COL6A5: variants seen among roughly 807,000 people sequenced by gnomAD.
COL6A5 encodes the protein collagen alpha-5(VI) chain.
Under a neutral mutation model 65.6 loss-of-function variants are expected in COL6A5, and 48 were observed. The ratio of observed to expected loss-of-function variants is 0.73; its 90% confidence interval spans 0.58 to 0.93. The LOEUF (loss-of-function observed/expected upper bound fraction) is 0.93, where lower values mean the gene tolerates loss of function less well. COL6A5 is among the 40% of genes least tolerant of loss of function. The pLI, the probability that COL6A5 is intolerant of heterozygous loss-of-function variation, is 0.00. For missense variants in COL6A5, 914 were observed against 928.3 expected, an observed-to-expected ratio of 0.98 and a Z score of 0.20; for synonymous variants, 291 against 322.8, an observed-to-expected ratio of 0.90 and a Z score of 1.05.
rs898588262 is a variant in COL6A5, at chr3:130,415,715, A to T, written c.4824+8A>T. ...GGGCAGAAAGGACCTCAGGTGAGTGACTCGGAGACATTAGGCTCAATGACT... is the reference window on the plus strand; with the variant it reads ...GGGCAGAAAGGACCTCAGGTGAGTGTCTCGGAGACATTAGGCTCAATGACT... On this transcript the variant is annotated splice_region_variant and intron_variant and NMD_transcript_variant, in intron 23 of 41. Transcript: ENST00000312481. 1.9e-6 allele frequency: 3 copies of T among 1,544,672 alleles called. No homozygotes were observed. The African/African-American group carries it at 4.1e-5, about 21-fold the overall frequency.
chr3:130,410,529 G>C lies in COL6A5; in HGVS notation c.4662+5G>C. On this transcript the variant is annotated splice_donor_5th_base_variant and intron_variant and NMD_transcript_variant, in intron 20 of 41. Transcript: ENST00000312481. ...CCTAGTTCCAGAGGCAGCAGGGTAA[G>C]TATTTCTGTGGACATTTATTTCCCC... 1 of 1,549,540 alleles carries C rather than the reference G, an allele frequency of 6.5e-7. No individual in the cohort carries two copies. The highest frequency in any genetic ancestry group is 2.4e-5 in the East Asian group (1 of 40,888).
At chr3:130,468,611 A>G (rs1709872189) in intron 5 of COL6A5, among the ~76,000 whole-genome samples, 184 bp from the exon 38 acceptor site, 1 of 152,054 alleles carries the variant, frequency 6.6e-6, no homozygotes, top group South Asian at 2.1e-4. Flanking sequence ...ATGGCTCTGC[A>G]TGCGCTATGT....
At chr3:130,388,458 C>T in intron 5 of COL6A5, 122 bp from the exon 6 acceptor site, 1 of 828,868 alleles carries the variant, frequency 1.2e-6, no homozygotes, top group Non-Finnish European at 1.8e-6. Flanking sequence ...TCAAACATAA[C>T]AACAGTTGCC....
At chr3:130,477,767 T>A (rs1334905446) in intron 7 of COL6A5, among the ~76,000 whole-genome samples, 3 of 152,098 alleles carry the variant, frequency 2.0e-5, no homozygotes, top group Admixed American at 1.3e-4. Context: ...ACTTCTTTAA[T>A]AGGGGTCCTT....
chr3:130,425,429 A>C (rs1408357378), intron 29 of COL6A5, among the ~76,000 whole-genome samples: 4 of 152,134 alleles, frequency 2.6e-5, no homozygotes, highest in Admixed American at 6.6e-5. Flanking sequence ...TTTTTTTTGA[A>C]GTGAGCATAC....
chr3:130,403,449 G>T (rs1344306459), intron 12 of COL6A5, among the ~76,000 whole-genome samples, 160 bp from the exon 13 acceptor site: 1 of 152,176 alleles, frequency 6.6e-6, no homozygotes, highest in Non-Finnish European at 1.5e-5. Flanking sequence ...ACAAAAGCTA[G>T]CTCCAGATGT....
intron 5 of COL6A5, among the ~76,000 whole-genome samples, chr3:130,460,825 A>G (rs1709686485): frequency 6.6e-6 from 1 of 150,792 alleles, no homozygotes; most frequent in South Asian, 2.1e-4. Flanking sequence ...TGGTAGTGAT[A>G]ATGGTGATAG....
At chr3:130,362,671 T>C (rs1935186159) in intron 1 of COL6A5, among the ~76,000 whole-genome samples, 1 of 152,172 alleles carries the variant, frequency 6.6e-6, no homozygotes, top group Admixed American at 6.5e-5. Flanking sequence ...CAAAATAACT[T>C]GCTGACATTG....
chr3:130,426,615 A>G (rs577356118), upstream of COL6A5, among the ~76,000 whole-genome samples: 1 of 152,288 alleles, frequency 6.6e-6, no homozygotes, highest in East Asian at 1.9e-4. Context: ...ATGAGGGGCA[A>G]TGCAGACATC....
chr3:130,376,435 G>T lies in COL6A5; in HGVS notation c.266G>T (p.Gly89Val), dbSNP rs758837638. The T allele has an allele frequency of 9.9e-6, 16 of 1,612,614 alleles. No homozygotes were observed. The highest frequency in any genetic ancestry group is 8.4e-5 in the Admixed American group (5 of 59,824). Residue 89 changes from glycine to valine, a missense_variant and NMD_transcript_variant, in exon 3 of 42, where the codon GGC becomes GTC. Coordinates refer to the COL6A5 transcript ENST00000312481. ...GAATTCCATCTGAGCACCTTCAAAG[G>T]CAGAAGCCCCATGCTGAACCACCTC... is the stretch of plus-strand genomic sequence containing the variant.
intron 7 of COL6A5, among the ~76,000 whole-genome samples, chr3:130,481,267 G>C (rs1710234138): frequency 1.4e-5 from 2 of 144,344 alleles, no homozygotes; most frequent in African/African-American, 2.6e-5. Flanking sequence ...TCATTGTTCA[G>C]CTCCAACTTA....
At chr3:130,434,412 T>C (rs148200926) in intron 1 of COL6A5, among the ~76,000 whole-genome samples, 166 of 152,374 alleles carry the variant, frequency 1.1e-3, no homozygotes, top group African/African-American at 3.6e-3. Context: ...TGCATGACTC[T>C]TTCTAGTTAA....
chr3:130,439,140 G>A (rs1025091879), intron 1 of COL6A5, among the ~76,000 whole-genome samples: 4 of 152,140 alleles, frequency 2.6e-5, no homozygotes, highest in Non-Finnish European at 5.9e-5. Context: ...GGCATGTGGT[G>A]TATAATCAGC....
At chr3:130,467,447 G>A (rs1709843528) in intron 5 of COL6A5, among the ~76,000 whole-genome samples, 1 of 151,808 alleles carries the variant, frequency 6.6e-6, no homozygotes, top group Admixed American at 6.6e-5. Flanking sequence ...CTCATTTTTT[G>A]AGGCCAGATT....
At chr3:130,357,087 T>A (rs927910829) in intron 1 of COL6A5, among the ~76,000 whole-genome samples, 2 of 152,188 alleles carry the variant, frequency 1.3e-5, no homozygotes, top group Non-Finnish European at 2.9e-5. Context: ...AATTTACTAG[T>A]TACCATAATC....
intron 2 of COL6A5, among the ~76,000 whole-genome samples, chr3:130,375,841 C>T (rs1311460076): frequency 1.3e-5 from 2 of 152,050 alleles, no homozygotes; most frequent in Non-Finnish European, 2.9e-5. Context: ...GAGTAAGCAC[C>T]TCCATGATTC....
chr3:130,348,777 A>G, intron 1 of COL6A5, among the ~76,000 whole-genome samples: 1 of 152,194 alleles, frequency 6.6e-6, no homozygotes, highest in East Asian at 1.9e-4. Context: ...CATCCTCTCC[A>G]GCATCTGTTG....
At chr3:130,365,853 T>G (rs1207738099) in intron 1 of COL6A5, among the ~76,000 whole-genome samples, 1 of 152,056 alleles carries the variant, frequency 6.6e-6, no homozygotes, top group Non-Finnish European at 1.5e-5. Flanking sequence ...ACTCTGGGAG[T>G]GGGACCTGGC....
At chr3:130,357,162 G>C (rs1191751372) in intron 1 of COL6A5, among the ~76,000 whole-genome samples, 2 of 151,854 alleles carry the variant, frequency 1.3e-5, no homozygotes, top group East Asian at 3.8e-4. Context: ...CATAACCCTA[G>C]AGAGTAGAAA....
Sources: gnomAD v4.1 joint callset for allele counts (sites outside exome capture counted in the v4.1 genomes callset) on GRCh38, gnomAD v4.1.1 for gene constraint, MANE v1.5 for transcripts, NCBI Gene and HGNC (gene_info 2026-07-23, HGNC 2026-07-21) for gene names.